Variants in COA6 observed in about 807,000 individuals in gnomAD.
COA6 encodes cytochrome c oxidase assembly factor 6.
A neutral mutation model predicts 17.1 loss-of-function variants in COA6; 12 were observed. The ratio of observed to expected loss-of-function variants is 0.70; its 90% CI spans 0.45 to 1.14. The LOEUF is 1.14. Among genes scored for constraint, COA6 ranks in the 50% most tolerant of loss-of-function variants. The probability of loss-of-function intolerance (pLI) is 0.00; values close to 1 mark genes in which losing one functional copy is unlikely to be tolerated. For missense variants in COA6, 246 were observed against 196.5 expected (o/e 1.25, Z -1.51); for synonymous variants, 90 against 73.4 (o/e 1.23, Z -1.16).
intron 2 of COA6, among the ~76,000 whole-genome samples, chr1:234,375,048 G>C (rs1287237480): frequency 6.6e-6 from 1 of 151,844 alleles, no homozygotes; most frequent in Non-Finnish European, 1.5e-5. Flanking sequence ...CCAGCACTTT[G>C]GGAGGCTGAG....
At chr1:234,382,652 G>A (rs1659008671) in intron 2 of COA6, among the ~76,000 whole-genome samples, 1 of 152,128 alleles carries the variant, frequency 6.6e-6, no homozygotes, top group African/African-American at 2.4e-5. Flanking sequence ...TCCAAAGAAA[G>A]GCTTTTAACA....
At chr1:234,383,599 A>ACACACACACAC in intron 2 of COA6, 124 bp from the exon 3 acceptor site, 1 of 538,592 alleles carries the variant, frequency 1.9e-6, no homozygotes. Context: ...CACACACACA[A>ACACACACACAC]AATGGTTCTA....
intron 2 of COA6, among the ~76,000 whole-genome samples, chr1:234,380,139 T>G (rs1277458054): frequency 6.6e-6 from 1 of 152,230 alleles, no homozygotes; most frequent in African/African-American, 2.4e-5. Context: ...CAGCCTGCCC[T>G]TCACTATCGG....
rs139713449 is a variant in COA6, at chr1:234,374,396, C to A, written c.372+7C>A. ...AAGTTGTCCCCAACAGTGGGTAAGT[C>A]ACACTTTGATGTGTTTCTCTTCCCT... On this transcript the variant is annotated splice_region_variant and intron_variant, in intron 2 of 2. Coordinates refer to ENST00000366615, the MANE Select transcript of COA6 (RefSeq NM_001206641.3). The A allele has an allele frequency of 1.2e-6, 2 of 1,613,824 alleles. No individual in the cohort carries two copies. The highest frequency in any genetic ancestry group is 2.2e-5 in the East Asian group (1 of 44,886).
intron 1 of COA6, 130 bp downstream of exon 1, chr1:234,373,808 T>C (rs2103014979): frequency 6.2e-7 from 1 of 1,613,680 alleles, no homozygotes; most frequent in Non-Finnish European, 8.5e-7. Context: ...TTGGTGATTG[T>C]GGCCCCCACA....
At position 234,384,660 on chromosome 1, in the gene COA6, A is replaced by G. The variant is rs1659077297; in HGVS notation, c.*842A>G. 6.6e-6 allele frequency among the ~76,000 whole-genome samples: 1 copy of G among 152,252 alleles called. No individual in the cohort carries two copies. The highest frequency in any genetic ancestry group is 2.4e-5 in the African/African-American group (1 of 41,468). On this transcript the variant is annotated 3_prime_UTR_variant, in exon 3 of 3. Coordinates refer to ENST00000366615, the MANE Select transcript of COA6 (RefSeq NM_001206641.3). ...TGCTGAGAACTAGAAAACACTTGGA[A>G]GCAGACTACATCAGATTAAATGGAG...
At chr1:234,377,227 A>G (rs1179704383) in intron 2 of COA6, among the ~76,000 whole-genome samples, 1 of 151,262 alleles carries the variant, frequency 6.6e-6, no homozygotes, top group Non-Finnish European at 1.5e-5. Flanking sequence ...CCCAGGTTCA[A>G]GCAGTTCTCC....
intron 2 of COA6, among the ~76,000 whole-genome samples, chr1:234,374,903 A>AG (rs1293014384): frequency 6.6e-6 from 1 of 152,108 alleles, no homozygotes; most frequent in Non-Finnish European, 1.5e-5. Flanking sequence ...CCTTAGTATA[A>AG]GGGGGGATTG....
Position 234,378,275 on chromosome 1 carries a change from T to C in COA6, c.372+3886T>C, listed in dbSNP as rs141940843. Among the ~76,000 whole-genome samples the C allele has an allele frequency of 1.9e-3, 290 of 152,288 alleles. 4 individuals carry two copies. Among genetic ancestry groups the C allele is most frequent in the African/African-American group, 6.5e-3 (270 of 41,556 alleles). ...TGTTCATTTAGTCATTCCACAAATA[T>C]CTATTGAGCACCTCCTATGTGCCAT... On this transcript the variant is annotated intron_variant, in intron 2 of 2. Transcript: ENST00000366615.
intron 2 of COA6, among the ~76,000 whole-genome samples, chr1:234,380,231 T>C (rs1267045061): frequency 6.6e-6 from 1 of 152,190 alleles, no homozygotes; most frequent in African/African-American, 2.4e-5. Flanking sequence ...GAATAAAAGC[T>C]GAAAAGTTTT....
intron 2 of COA6, among the ~76,000 whole-genome samples, chr1:234,380,556 G>A (rs1658943165): frequency 6.6e-6 from 1 of 152,108 alleles, no homozygotes; most frequent in Non-Finnish European, 1.5e-5. Flanking sequence ...CACCAAATTG[G>A]GATTTAGATT....
At chr1:234,380,549 C>A (rs1440515852) in intron 2 of COA6, among the ~76,000 whole-genome samples, 1 of 152,172 alleles carries the variant, frequency 6.6e-6, no homozygotes, top group Non-Finnish European at 1.5e-5. Context: ...ATAGCACCAC[C>A]AAATTGGGAT....
Position 234,373,607 on chromosome 1 carries a change from C to A in COA6, c.141C>A (p.Arg47=). The change falls in exon 1 of 3, where the codon CGC becomes CGA. Residue 47 remains arginine (R), a synonymous_variant. Coordinates refer to ENST00000366615, the MANE Select transcript of COA6 (RefSeq NM_001206641.3). The part of the protein sequence containing the change: ...SGRTRHRALH[R]RLVACVTVSS... ...GGACTCGGCACCGCGCCCTCCACCG[C>A]CGGTTGGTGGCCTGCGTGACAGTTT... is the stretch of plus-strand genomic sequence containing the variant. 2 of 1,612,814 alleles carry A rather than the reference C, an allele frequency of 1.2e-6. No individual in the cohort carries two copies. The highest frequency in any genetic ancestry group is 1.7e-6 in the Non-Finnish European group (2 of 1,179,652).
intron 2 of COA6, among the ~76,000 whole-genome samples, chr1:234,380,820 C>T (rs141454740): frequency 0.077 from 11,638 of 152,106 alleles, 515 homozygotes; most frequent in Middle Eastern, 0.095. Flanking sequence ...GCCAACATGG[C>T]GAAACCCCAT....
intron 2 of COA6, among the ~76,000 whole-genome samples, chr1:234,376,083 A>G (rs540409189): frequency 2.6e-5 from 4 of 152,194 alleles, no homozygotes; most frequent in Non-Finnish European, 5.9e-5. Context: ...GTGGGACTCT[A>G]TGATTGAATT....
chr1:234,378,271 A>T (rs1055167770), intron 2 of COA6, among the ~76,000 whole-genome samples: 1 of 152,174 alleles, frequency 6.6e-6, no homozygotes, highest in Non-Finnish European at 1.5e-5. Context: ...TCATTCCACA[A>T]ATATCTATTG....
intron 2 of COA6, among the ~76,000 whole-genome samples, chr1:234,375,553 A>G (rs1245949114): frequency 2.0e-5 from 3 of 152,190 alleles, no homozygotes; most frequent in Non-Finnish European, 4.4e-5. Context: ...TCAAACCTTT[A>G]AAAGGCTCTG....
chr1:234,382,975 C>T lies in COA6; in HGVS notation c.373-748C>T, dbSNP rs147099533. Among the ~76,000 whole-genome samples the T allele has an allele frequency of 9.3e-3, 1,277 of 137,250 alleles. 15 individuals carry two copies. Among genetic ancestry groups the T allele is most frequent in the African/African-American group, 0.031 (1,155 of 37,400 alleles). The allele number at this position is 137,250 out of a possible 152,430, so 90.0% of individuals were successfully genotyped here. On this transcript the variant is annotated intron_variant, in intron 2 of 2. Transcript: ENST00000366615. ...TGAGCCGAGATTGCTCCACTGCACTCCAGCCTGGGTGACAGAGCGAGACTC... is the reference window on the plus strand; with the variant it reads ...TGAGCCGAGATTGCTCCACTGCACTTCAGCCTGGGTGACAGAGCGAGACTC...
intron 2 of COA6, among the ~76,000 whole-genome samples, chr1:234,383,027 G>GAC (rs1450114699): frequency 3.9e-4 from 32 of 82,764 alleles, no homozygotes; most frequent in African/African-American, 1.7e-3. Context: ...GAGAGAGAGA[G>GAC]AGAGAAGGAA....
Sources: gnomAD v4.1 joint callset for allele counts (sites outside exome capture counted in the v4.1 genomes callset) on GRCh38, gnomAD v4.1.1 for gene constraint, MANE v1.5 for transcripts, NCBI Gene and HGNC (gene_info 2026-07-23, HGNC 2026-07-21) for gene names.